Variants in MATR3 observed in about 807,000 individuals in gnomAD.
MATR3 encodes the protein matrin 3.
In MATR3, 4 loss-of-function variants were observed where a neutral mutation model predicts 85.5. The observed-to-expected ratio is 0.05, with a 90% CI of 0.02 to 0.11. The LOEUF is 0.11. MATR3 is among the 10% of genes least tolerant of loss of function. The probability of loss-of-function intolerance (pLI) is 1.00; values close to 1 mark genes in which losing one functional copy is unlikely to be tolerated. For synonymous variants in MATR3, 336 were observed against 343.1 expected (o/e 0.98, Z 0.23); for missense variants, 685 against 1,016.1 (o/e 0.67, Z 4.43).
chr5:139,281,154 G>A (rs1753503747), intron 3 of MATR3, among the ~76,000 whole-genome samples: 1 of 151,156 alleles, frequency 6.6e-6, no homozygotes, highest in Non-Finnish European at 1.5e-5. Context: ...GGGACTATAG[G>A]CATGTGCTGC....
chr5:139,320,846 C>T lies in MATR3; in HGVS notation c.1603-1052C>T, dbSNP rs140131226. 3.7e-3 allele frequency among the ~76,000 whole-genome samples: 546 copies of T among 145,622 alleles called. 4 individuals carry two copies. The highest frequency in any genetic ancestry group is 5.7e-3 in the Non-Finnish European group (381 of 67,202). On this transcript the variant is annotated intron_variant, in intron 9 of 14. Coordinates refer to ENST00000394805, the MANE Select transcript of MATR3 (RefSeq NM_018834.6). ...TACTGCAAGTTCTGCCTCCCCGGTT[C>T]ATGGCATTCTCCTGCCTCAGCTTCC...
intron 2 of MATR3, among the ~76,000 whole-genome samples, chr5:139,309,859 G>T (rs544966440): frequency 6.6e-6 from 1 of 152,190 alleles, no homozygotes; most frequent in South Asian, 2.1e-4. Context: ...AATTTTTTCT[G>T]CGTTATTTCT....
chr5:139,324,229 A>T (rs993925137), intron 12 of MATR3, among the ~76,000 whole-genome samples: 1 of 151,672 alleles, frequency 6.6e-6, no homozygotes, highest in Non-Finnish European at 1.5e-5. Flanking sequence ...ATAATCCCAT[A>T]CTGCTTATAA....
At chr5:139,291,625 G>A (rs1309199069), upstream of MATR3, among the ~76,000 whole-genome samples, 1 of 152,206 alleles carries the variant, frequency 6.6e-6, no homozygotes. Flanking sequence ...CGCAACCTCC[G>A]CCTCCCGGGT....
At chr5:139,298,104 A>G (rs1454788280) in intron 1 of MATR3, among the ~76,000 whole-genome samples, 2 of 152,194 alleles carry the variant, frequency 1.3e-5, no homozygotes, top group African/African-American at 4.8e-5. Context: ...AAGATGCATA[A>G]CTTTCAGATC....
rs1010277622 is a variant in MATR3, at chr5:139,322,011, T to C, written c.1716T>C (p.Tyr572=). The C allele has an allele frequency of 5.0e-6, 8 of 1,614,014 alleles. No individual in the cohort carries two copies. The highest frequency in any genetic ancestry group is 2.2e-5 in the East Asian group (1 of 44,864). ...RCVKVDLSEK[Y]KKLVLRIPNR... ...TGAAGGTTGACCTGTCTGAGAAATA[T>C]AAAAAACTGGTTCTGAGGGTATGTA... Residue 572 remains tyrosine, a synonymous_variant, in exon 10 of 15, where the codon TAT becomes TAC. Transcript: ENST00000394805.
upstream of MATR3, among the ~76,000 whole-genome samples, chr5:139,292,563 C>A (rs1753912174): frequency 6.6e-6 from 1 of 152,130 alleles, no homozygotes; most frequent in African/African-American, 2.4e-5. Flanking sequence ...GTACCTCAGT[C>A]CCAAGAGTGT....
In MATR3 at chr5:139,322,671, A is replaced by G. The variant is rs1442882295; in HGVS notation, c.1852A>G (p.Thr618Ala). The change falls in exon 12 of 15, where the codon ACT becomes GCT. Residue 618 changes from threonine to alanine, a missense_variant. Physicochemically the swap from Thr to Ala is moderately conservative, Grantham distance 58. Coordinates refer to ENST00000394805, the MANE Select transcript of MATR3 (RefSeq NM_018834.6). ...ATCCAAAACTGATGGTTCCCAGAAG[A>G]CTGAGAGTTCAACCGAAGGTAAAGA... Reference protein sequence around the residue: ...KKSKTDGSQKTESSTEGKEQE... With the variant: ...KKSKTDGSQKAESSTEGKEQE... 4.3e-6 allele frequency: 7 copies of G among 1,614,212 alleles called. No homozygotes were observed. Among genetic ancestry groups the G allele is most frequent in the South Asian group, 1.1e-5 (1 of 91,086 alleles).
intron 1 of MATR3, among the ~76,000 whole-genome samples, chr5:139,296,559 A>G (rs1253190407): frequency 1.3e-5 from 2 of 152,234 alleles, no homozygotes; most frequent in African/African-American, 4.8e-5. Context: ...AGTCCTCTGT[A>G]TTTTTAAGCG....
intron 1 of MATR3, among the ~76,000 whole-genome samples, chr5:139,305,587 A>C (rs1754666732): frequency 6.6e-6 from 1 of 152,184 alleles, no homozygotes; most frequent in African/African-American, 2.4e-5. Flanking sequence ...ATAGCATCTC[A>C]GCCGCCATTC....
intron 1 of MATR3, among the ~76,000 whole-genome samples, chr5:139,296,088 A>G (rs936096909): frequency 2.0e-5 from 3 of 152,214 alleles, no homozygotes; most frequent in African/African-American, 7.2e-5. Context: ...CCTTCATAGT[A>G]TAATAGGCTT....
At chr5:139,310,211 CAAGAGT>C (rs1754900270) in intron 2 of MATR3, 6 of 152,112 alleles carry the variant, frequency 3.9e-5, no homozygotes, top group Admixed American at 3.9e-4. Context: ...ACTATGGATT[CAAGAGT>C]AAGATACACT....
At chr5:139,326,312 T>A in intron 14 of MATR3, 28 bp downstream of exon 14, 1 of 1,611,134 alleles carries the variant, frequency 6.2e-7, no homozygotes. Context: ...ACAGTTCTTT[T>A]GTGAAAACTT....
intron 5 of MATR3, 45 bp from the exon 6 acceptor site, chr5:139,317,008 C>T (rs747740017): frequency 3.2e-6 from 5 of 1,557,708 alleles, no homozygotes; most frequent in South Asian, 2.2e-5. Flanking sequence ...CTTCTTTAAG[C>T]AAGTATAGTG....
At position 139,325,474 on chromosome 5, in the gene MATR3, A is replaced by T. The variant is rs755225726; in HGVS notation, c.2183A>T (p.Glu728Val). 1 of 1,614,212 alleles carries T rather than the reference A, an allele frequency of 6.2e-7. No individual in the cohort carries two copies. The highest frequency in any genetic ancestry group is 2.2e-5 in the East Asian group (1 of 44,886). Reference sequence around the variant, plus strand: ...ATCGAGGAACTTGATCAAGAAAACGAAGCAGCGTTGGAAAATGGAATTAAA... The same window carrying T: ...ATCGAGGAACTTGATCAAGAAAACGTAGCAGCGTTGGAAAATGGAATTAAA... ...DKIEELDQENEAALENGIKNE... is the reference protein window; with the variant it reads ...DKIEELDQENVAALENGIKNE... Residue 728 changes from glutamate (E) to valine (V), a missense_variant, in exon 13 of 15, where the codon GAA becomes GTA. Around this residue, in one of 9 missense-constraint regions of MATR3, gnomAD observed 215 missense variants for 194.7 expected, o/e 1.10. Transcript: ENST00000394805.
At chr5:139,303,072 T>G (rs1408749986) in intron 1 of MATR3, among the ~76,000 whole-genome samples, 2 of 151,826 alleles carry the variant, frequency 1.3e-5, no homozygotes, top group African/African-American at 4.8e-5. Flanking sequence ...TAATTCTGAC[T>G]ACAAAGACTG....
intron 1 of MATR3, among the ~76,000 whole-genome samples, chr5:139,297,496 A>G (rs1445056652): frequency 6.6e-6 from 1 of 152,158 alleles, no homozygotes; most frequent in African/African-American, 2.4e-5. Context: ...TTAGATATGT[A>G]CCTTTAAAGG....
chr5:139,313,159 T>TTAAAAACA (rs1048547753), intron 2 of MATR3: 5 of 151,946 alleles, frequency 3.3e-5, no homozygotes, highest in Non-Finnish European at 7.4e-5. Context: ...ACATCCCCCT[T>TTAAAAACA]TAAAAACACA....
At chr5:139,325,208 A>C (rs1419659279) in intron 12 of MATR3, 3 of 1,498,086 alleles carry the variant, frequency 2.0e-6, no homozygotes, top group Non-Finnish European at 2.7e-6. Context: ...AAAAAAGGCA[A>C]AGACGCTATC....
Sources: allele counts gnomAD v4.1 joint callset (sites outside exome capture counted in the v4.1 genomes callset), GRCh38; gene constraint gnomAD v4.1.1; regional missense constraint gnomAD v4.1.1; transcripts MANE v1.5; gene names NCBI Gene and HGNC (gene_info 2026-07-23, HGNC 2026-07-21).